The following CNGB3 variants were observed in gnomAD, a reference collection of about 807,000 sequenced individuals.
CNGB3 encodes cyclic nucleotide gated channel subunit beta 3.
In CNGB3, 86 loss-of-function variants were observed where a neutral mutation model predicts 92.8. That is an observed-to-expected ratio of 0.93 (90% CI 0.78 to 1.11). CNGB3 has a LOEUF of 1.11. CNGB3 is among the 50% of genes least tolerant of loss of function. The probability of loss-of-function intolerance (pLI) is 0.00; values close to 1 mark genes in which losing one functional copy is unlikely to be tolerated. For synonymous variants in CNGB3, 333 were observed against 332.7 expected, an observed-to-expected ratio of 1.00 and a Z score of -0.01; for missense variants, 1,026 against 956.8, an observed-to-expected ratio of 1.07 and a Z score of -0.95.
At chr8:86,678,021 AT>A (rs1219699294) in intron 3 of CNGB3, among the ~76,000 whole-genome samples, 1 of 152,100 alleles carries the variant, frequency 6.6e-6, no homozygotes, top group African/African-American at 2.4e-5. Context: ...AGTTGGTTCA[AT>A]TTTTTTAAAA....
Position 86,576,091 on chromosome 8 carries a change from C to A in CNGB3, c.2143G>T (p.Glu715Ter), listed in dbSNP as rs1563711403. 1 of 1,597,878 alleles carries A rather than the reference C, an allele frequency of 6.3e-7. No homozygotes were observed. The highest frequency in any genetic ancestry group is 8.5e-7 in the Non-Finnish European group (1 of 1,173,300). Residue 715 changes from glutamate to a stop codon, truncating the protein, a stop_gained, in exon 18 of 18, where the codon GAA becomes TAA. Transcript: ENST00000320005. LOFTEE classifies it low-confidence loss of function (END_TRUNC). Reference sequence around the variant, plus strand: ...TTTTCTTTTTGTTTATCTTCATTTTCTTTTCCTTCTTCCTCTCCTCCTTCA... The same window carrying A: ...TTTTCTTTTTGTTTATCTTCATTTTATTTTCCTTCTTCCTCTCCTCCTTCA... The part of the protein sequence containing the change: ...NSEGGEEEGK[E>*]NEDKQKENED...
intron 3 of CNGB3, among the ~76,000 whole-genome samples, chr8:86,688,953 A>G (rs977215545): frequency 6.6e-6 from 1 of 150,410 alleles, no homozygotes; most frequent in African/African-American, 2.4e-5. Flanking sequence ...CTTAGTACTG[A>G]TTTCACCATA....
At chr8:86,591,746 TGTCA>T (rs1230134955) in intron 15 of CNGB3, among the ~76,000 whole-genome samples, 1 of 152,208 alleles carries the variant, frequency 6.6e-6, no homozygotes, top group African/African-American at 2.4e-5. Flanking sequence ...TCTTCAAAGC[TGTCA>T]GACAGGGACA....
chr8:86,612,914 T>G (rs1232142017), intron 13 of CNGB3, among the ~76,000 whole-genome samples: 1 of 152,214 alleles, frequency 6.6e-6, no homozygotes, highest in East Asian at 1.9e-4. Flanking sequence ...TGAAAGAAAG[T>G]AAGTCTAGTT....
chr8:86,603,960 A>G (rs2131559026), intron 15 of CNGB3, 133 bp downstream of exon 15: 2 of 677,524 alleles, frequency 3.0e-6, no homozygotes, highest in Non-Finnish European at 5.2e-6. Flanking sequence ...AAATATGAAA[A>G]TCCTTATTTT....
intron 3 of CNGB3, among the ~76,000 whole-genome samples, chr8:86,697,882 A>G (rs926396936): frequency 2.0e-5 from 3 of 151,884 alleles, no homozygotes; most frequent in Non-Finnish European, 2.9e-5. Context: ...ATGAGTGAGA[A>G]CATGTGGTGT....
At chr8:86,580,792 C>T (rs1236447691) in intron 15 of CNGB3, among the ~76,000 whole-genome samples, 1 of 152,164 alleles carries the variant, frequency 6.6e-6, no homozygotes, top group African/African-American at 2.4e-5. Flanking sequence ...AAAAAAGACA[C>T]CATAGGATCT....
intron 6 of CNGB3, chr8:86,660,269 C>A: frequency 3.2e-6 from 1 of 316,434 alleles, no homozygotes; most frequent in South Asian, 2.9e-5. Context: ...CCAATTTGCT[C>A]TGTAGGGTTT....
intron 17 of CNGB3, among the ~76,000 whole-genome samples, chr8:86,577,980 G>A (rs151097099): frequency 6.6e-6 from 1 of 152,144 alleles, no homozygotes; most frequent in African/African-American, 2.4e-5. Flanking sequence ...TGTGATCTCG[G>A]CTCACTACAA....
intron 3 of CNGB3, among the ~76,000 whole-genome samples, chr8:86,702,773 G>T (rs1441549393): frequency 6.6e-6 from 1 of 151,650 alleles, no homozygotes; most frequent in Non-Finnish European, 1.5e-5. Context: ...TTTTGGTTTT[G>T]GAGTCATATT....
intron 7 of CNGB3, among the ~76,000 whole-genome samples, chr8:86,649,004 A>G (rs973962253): frequency 4.6e-5 from 7 of 151,578 alleles, no homozygotes; most frequent in Admixed American, 3.3e-4. Flanking sequence ...GCTATACACC[A>G]ATACACATAC....
chr8:86,670,794 C>G, intron 4 of CNGB3, 150 bp downstream of exon 4: 1 of 888,726 alleles, frequency 1.1e-6, no homozygotes, highest in Non-Finnish European at 1.8e-6. Context: ...TGTCTCACCA[C>G]TCGTACCTTC....
intron 3 of CNGB3, 33 bp from the exon 4 acceptor site, chr8:86,671,131 GC>G: frequency 6.2e-7 from 1 of 1,609,666 alleles, no homozygotes; most frequent in Non-Finnish European, 8.5e-7. Flanking sequence ...ATAGAGATGG[GC>G]CCATGAAGAA....
At chr8:86,581,794 T>C (rs74432862) in intron 15 of CNGB3, among the ~76,000 whole-genome samples, 4,999 of 152,164 alleles carry the variant, frequency 0.033, 168 homozygotes, top group African/African-American at 0.086. Flanking sequence ...AGCAGCAAGA[T>C]GCAAACCCTC....
At chr8:86,692,081 C>T (rs1824330344) in intron 3 of CNGB3, among the ~76,000 whole-genome samples, 1 of 152,216 alleles carries the variant, frequency 6.6e-6, no homozygotes, top group Non-Finnish European at 1.5e-5. Flanking sequence ...CCACTGTGGT[C>T]TGAGACAGCA....
At chr8:86,707,972 CAGG>C (rs1257618204) in intron 3 of CNGB3, 9 of 152,262 alleles carry the variant, frequency 5.9e-5, no homozygotes, top group African/African-American at 2.2e-4. Flanking sequence ...GGGAAAACTG[CAGG>C]AGGAGTGGGT....
chr8:86,662,036 G>A (rs942445438), intron 6 of CNGB3: 2 of 327,382 alleles, frequency 6.1e-6, no homozygotes, highest in South Asian at 6.1e-5. Context: ...TGGCCCAGGT[G>A]CAGGGCTGCG....
At chr8:86,706,251 C>G (rs940409014) in intron 3 of CNGB3, among the ~76,000 whole-genome samples, 1 of 145,860 alleles carries the variant, frequency 6.9e-6, no homozygotes, top group Non-Finnish European at 1.5e-5. Context: ...AGGAGGCAAA[C>G]TAGGCAAACA....
At chr8:86,655,905 C>T (rs2131604494) in intron 6 of CNGB3, among the ~76,000 whole-genome samples, 1 of 152,286 alleles carries the variant, frequency 6.6e-6, no homozygotes, top group East Asian at 1.9e-4. Flanking sequence ...TTGACCAAAG[C>T]ATTATAACTT....
Sources: allele counts gnomAD v4.1 joint callset (sites outside exome capture counted in the v4.1 genomes callset), GRCh38; gene constraint gnomAD v4.1.1; transcripts MANE v1.5; gene names NCBI Gene and HGNC (gene_info 2026-07-23, HGNC 2026-07-21).